The following REEP5 variants were observed in gnomAD, a reference collection of about 807,000 sequenced individuals.
The protein encoded by REEP5 is receptor accessory protein 5, also known as receptor expression-enhancing protein 5.
A neutral mutation model predicts 22.4 loss-of-function variants in REEP5; 24 were observed. That is an observed-to-expected ratio of 1.07 (90% CI 0.78 to 1.51). REEP5 has a LOEUF of 1.51. Among genes scored for constraint, REEP5 ranks in the 40% most tolerant of loss-of-function variants. The pLI is 0.00. For synonymous variants in REEP5, 103 were observed against 88.6 expected, an observed-to-expected ratio of 1.16 and a Z score of -0.92; for missense variants, 252 against 233.0, an observed-to-expected ratio of 1.08 and a Z score of -0.53.
chr5:112,884,729 G>C (rs1399634666), intron 4 of REEP5, among the ~76,000 whole-genome samples: 1 of 151,834 alleles, frequency 6.6e-6, no homozygotes. Context: ...TTCTGGTATA[G>C]ATTTCCTAAA....
chr5:112,889,380 C>T (rs1350098027), intron 3 of REEP5, among the ~76,000 whole-genome samples: 1 of 150,604 alleles, frequency 6.6e-6, no homozygotes, highest in Non-Finnish European at 1.5e-5. Flanking sequence ...ATCAGACAAA[C>T]ACCAACTCCC....
chr5:112,897,294 T>C (rs1197389266), intron 3 of REEP5: 2 of 147,828 alleles, frequency 1.4e-5, no homozygotes, highest in African/African-American at 5.0e-5. Flanking sequence ...ATAGGAAGAC[T>C]ACTCTAAGAT....
intron 2 of REEP5, 92 bp from the exon 3 acceptor site, chr5:112,902,610 C>A (rs1449374489): frequency 2.8e-5 from 34 of 1,221,900 alleles, no homozygotes; most frequent in Non-Finnish European, 3.5e-5. Flanking sequence ...TCTGATACCA[C>A]TGAGAAACTT....
chr5:112,915,242 G>A (rs1261315242), intron 2 of REEP5, among the ~76,000 whole-genome samples: 1 of 152,004 alleles, frequency 6.6e-6, no homozygotes, highest in African/African-American at 2.4e-5. Context: ...GAACATTCCA[G>A]AATAGAGTAT....
intron 2 of REEP5, among the ~76,000 whole-genome samples, chr5:112,913,370 GAAGAAAGAAAGAGA>G (rs1489196658): frequency 7.4e-4 from 72 of 97,106 alleles, no homozygotes; most frequent in African/African-American, 4.2e-3. Context: ...AGGAAAGAAA[GAAGAAAGAAAGAGA>G]AAGAAAGAGA....
chr5:112,879,498 G>A (rs908516875), intron 4 of REEP5, among the ~76,000 whole-genome samples: 18 of 152,048 alleles, frequency 1.2e-4, no homozygotes, highest in African/African-American at 4.3e-4. Context: ...TTTTGAGACG[G>A]AGTCTCGCTC....
At chr5:112,904,312 T>G (rs1297011386) in intron 2 of REEP5, among the ~76,000 whole-genome samples, 2 of 152,220 alleles carry the variant, frequency 1.3e-5, no homozygotes, top group African/African-American at 2.4e-5. Flanking sequence ...AGTATATCCT[T>G]TATGTGTAAG....
In REEP5 at chr5:112,889,541, CAT is replaced by C. The variant is rs973689698; in HGVS notation, c.352-2360_352-2359del. Among the ~76,000 whole-genome samples the C allele has an allele frequency of 3.6e-4, 54 of 150,598 alleles. 2 individuals are homozygous for C. The highest frequency in any genetic ancestry group is 3.4e-3 in the Middle Eastern group (1 of 290). On this transcript the variant is annotated intron_variant, in intron 3 of 4. Coordinates refer to ENST00000379638, the MANE Select transcript of REEP5 (RefSeq NM_005669.5). The stretch of plus-strand genomic sequence containing the variant: ...AATACGTAAATTATATCTAACTTTG[CAT>C]ATGTTTGCAATAGAATTATTTTTAT...
intron 3 of REEP5, chr5:112,894,551 A>G (rs772905669): frequency 2.0e-5 from 3 of 152,250 alleles, no homozygotes; most frequent in African/African-American, 7.2e-5. Context: ...TTTTGACAGA[A>G]TATCAGAATC....
chr5:112,908,688 C>T (rs1049736913), intron 2 of REEP5, among the ~76,000 whole-genome samples: 5 of 151,280 alleles, frequency 3.3e-5, no homozygotes, highest in African/African-American at 4.9e-5. Context: ...ACAGCGCCCA[C>T]GACCACGACA....
intron 4 of REEP5, chr5:112,885,452 C>T (rs1768214120): frequency 5.1e-6 from 1 of 194,432 alleles, no homozygotes; most frequent in South Asian, 1.0e-4. Flanking sequence ...GAAGAGGAGG[C>T]GAAAGCCAAG....
chr5:112,896,651 T>A (rs1768688436), intron 3 of REEP5: 2 of 151,998 alleles, frequency 1.3e-5, no homozygotes, highest in Admixed American at 1.3e-4. Flanking sequence ...TAAAAATAAA[T>A]CTAGCCAGGC....
At position 112,877,445 on chromosome 5, in the gene REEP5, C is replaced by A. The variant is rs540059521; in HGVS notation, c.*1341G>T. 6.6e-6 allele frequency: 1 copy of A among 152,286 alleles called. No individual in the cohort carries two copies. Among genetic ancestry groups the A allele is most frequent in the African/African-American group, 2.4e-5 (1 of 41,566 alleles). The allele number at this position is 152,286 out of a possible 1,614,324, so 9.4% of individuals were successfully genotyped here. On this transcript the variant is annotated 3_prime_UTR_variant, in exon 5 of 5. Transcript: ENST00000379638. ...TTTTCTAGTCCAGACAAATTGCTCT[C>A]TATAACGATTTGGCAGATCAATGGA...
intron 2 of REEP5, among the ~76,000 whole-genome samples, chr5:112,918,759 C>T (rs1476038518): frequency 1.3e-5 from 2 of 152,214 alleles, no homozygotes; most frequent in African/African-American, 4.8e-5. Flanking sequence ...ACCTGCACCT[C>T]TCTGGTGCCT....
At chr5:112,890,507 C>G (rs1258981812) in intron 3 of REEP5, among the ~76,000 whole-genome samples, 2 of 150,148 alleles carry the variant, frequency 1.3e-5, no homozygotes, top group African/African-American at 5.0e-5. Flanking sequence ...TAGCTGAAGA[C>G]CACAGGCATG....
intron 2 of REEP5, among the ~76,000 whole-genome samples, chr5:112,910,796 C>T (rs1364643835): frequency 6.6e-6 from 1 of 152,200 alleles, no homozygotes; most frequent in Non-Finnish European, 1.5e-5. Context: ...GACACTGTTC[C>T]TTGCCTATCA....
chr5:112,892,022 A>G, intron 3 of REEP5: 3 of 1,333,302 alleles, frequency 2.3e-6, no homozygotes, highest in Non-Finnish European at 3.2e-6. Context: ...GAAGAGGAGG[A>G]GCAGAAACAA....
chr5:112,906,195 T>C (rs1363394115), intron 2 of REEP5, among the ~76,000 whole-genome samples: 1 of 152,152 alleles, frequency 6.6e-6, no homozygotes, highest in African/African-American at 2.4e-5. Flanking sequence ...ATAATAGCCA[T>C]GTAGGATAGG....
chr5:112,903,765 A>G (rs1002962775), intron 2 of REEP5, among the ~76,000 whole-genome samples: 1 of 152,200 alleles, frequency 6.6e-6, no homozygotes, highest in African/African-American at 2.4e-5. Flanking sequence ...GCTCAATGAG[A>G]TGATTACTAA....
Sources: gnomAD v4.1 joint callset for allele counts (sites outside exome capture counted in the v4.1 genomes callset) on GRCh38, gnomAD v4.1.1 for gene constraint, MANE v1.5 for transcripts, NCBI Gene and HGNC (gene_info 2026-07-23, HGNC 2026-07-21) for gene names.